HECA: variants seen among roughly 807,000 people sequenced by gnomAD.
The protein encoded by HECA is HECA ribonucleoprotein granule regulator, also known as headcase protein homolog.
A neutral mutation model predicts 37.6 loss-of-function variants in HECA; 13 were observed. That is an observed-to-expected ratio of 0.35 (90% CI 0.23 to 0.55). The LOEUF is 0.55. Among genes scored for constraint, HECA ranks in the 20% least tolerant of loss-of-function variants. The probability of loss-of-function intolerance (pLI) is 0.90; values close to 1 mark genes in which losing one functional copy is unlikely to be tolerated. For synonymous variants in HECA, 307 were observed against 291.5 expected, an observed-to-expected ratio of 1.05 and a Z score of -0.54; for missense variants, 527 against 701.9, an observed-to-expected ratio of 0.75 and a Z score of 2.82.
chr6:139,168,783 T>A (rs1774930841), intron 2 of HECA, among the ~76,000 whole-genome samples: 1 of 152,270 alleles, frequency 6.6e-6, no homozygotes, highest in Non-Finnish European at 1.5e-5. Flanking sequence ...GATTTGAGAC[T>A]TTCAACGTCT....
chr6:139,173,139 T>C (rs927722988), intron 2 of HECA, among the ~76,000 whole-genome samples: 17 of 152,340 alleles, frequency 1.1e-4, no homozygotes, highest in South Asian at 1.0e-3. Context: ...AGATGTGGCA[T>C]GTGAGACCCT....
In HECA at chr6:139,166,389, G is replaced by C; in HGVS notation, c.377G>C (p.Ser126Thr). 1 of 1,614,226 alleles carries C rather than the reference G, an allele frequency of 6.2e-7. No individual in the cohort carries two copies. Among genetic ancestry groups the C allele is most frequent in the Non-Finnish European group, 8.5e-7 (1 of 1,180,030 alleles). ...VVCNNEHCPC[S>T]TWMHLQCFYE... ...TGCAACAACGAGCACTGCCCCTGCAGCACCTGGATGCACCTGCAGTGCTTC... is the reference window on the plus strand; with the variant it reads ...TGCAACAACGAGCACTGCCCCTGCACCACCTGGATGCACCTGCAGTGCTTC... Residue 126 changes from serine to threonine, a missense_variant, in exon 2 of 4, where the codon AGC becomes ACC. By Grantham distance (58) the Ser-to-Thr change is moderately conservative. Coordinates refer to ENST00000367658, the MANE Select transcript of HECA (RefSeq NM_016217.3).
chr6:139,151,085 T>G (rs941319815), intron 1 of HECA: 2 of 152,188 alleles, frequency 1.3e-5, no homozygotes, highest in African/African-American at 2.4e-5. Context: ...ACTTGCCTGT[T>G]GGTTGCTGAT....
At position 139,177,543 on chromosome 6, in the gene HECA, C is replaced by T. The variant is rs1775068341; in HGVS notation, c.*438C>T. 6.4e-6 allele frequency: 1 copy of T among 155,672 alleles called. No individual in the cohort carries two copies. Among genetic ancestry groups the T allele is most frequent in the Non-Finnish European group, 1.4e-5 (1 of 69,858 alleles). 9.6% of individuals were successfully genotyped at this position (155,672 alleles called of 1,614,324 possible). ...GTGACAAGTGAATGTAAGTCTGTGC[C>T]TGGAGAGCTAATAGTGCATTAGTCT... On this transcript the variant is annotated 3_prime_UTR_variant, in exon 4 of 4. Transcript: ENST00000367658. This position sits in a 1 kb window ranked among gnomAD's most constrained non-coding sequence, Gnocchi z 4.9.
intron 1 of HECA, among the ~76,000 whole-genome samples, chr6:139,136,267 TAAAAA>T (rs71674341): frequency 6.1e-5 from 8 of 132,032 alleles, no homozygotes; most frequent in African/African-American, 8.4e-5. Flanking sequence ...AGCCCGGAGT[TAAAAA>T]AAAAAAAAAA....
At chr6:139,164,226 C>G (rs1206929544) in intron 1 of HECA, among the ~76,000 whole-genome samples, 1 of 152,150 alleles carries the variant, frequency 6.6e-6, no homozygotes, top group African/African-American at 2.4e-5. Flanking sequence ...CTTTCTAGAG[C>G]AGAACTCTGA....
At chr6:139,140,225 A>G (rs72978612) in intron 1 of HECA, among the ~76,000 whole-genome samples, 4,198 of 152,342 alleles carry the variant, frequency 0.028, 69 homozygotes, top group Non-Finnish European at 0.038. Flanking sequence ...TAGGAAAATG[A>G]AAAATGTTTG....
rs913063883 is a variant in HECA at position 139,135,107 on chromosome 6, G to C, written c.-290G>C. On this transcript the variant is annotated 5_prime_UTR_variant, in exon 1 of 4. Transcript: ENST00000367658. ...TGCAGCCGAATCAAAACAAGCCGGA[G>C]ACCCGCCTTTTCCCTCCGGCTCGGG... 6.3e-6 allele frequency: 1 copy of C among 157,858 alleles called. No homozygotes were observed. The highest frequency in any genetic ancestry group is 2.4e-5 in the African/African-American group (1 of 41,646). 9.8% of individuals were successfully genotyped at this position (157,858 alleles called of 1,614,324 possible).
intron 2 of HECA, among the ~76,000 whole-genome samples, chr6:139,171,682 C>G (rs937414443): frequency 6.6e-6 from 1 of 152,064 alleles, no homozygotes; most frequent in Non-Finnish European, 1.5e-5. Flanking sequence ...GGCTGGAAAG[C>G]AGCGGAGTGA....
At chr6:139,158,288 G>A (rs535034326) in intron 1 of HECA, among the ~76,000 whole-genome samples, 1 of 152,100 alleles carries the variant, frequency 6.6e-6, no homozygotes, top group South Asian at 2.1e-4. Context: ...AGATCACGAG[G>A]TCAGGAGATG....
chr6:139,168,225 G>A (rs539944448), intron 2 of HECA, among the ~76,000 whole-genome samples: 25 of 152,144 alleles, frequency 1.6e-4, no homozygotes, highest in Admixed American at 4.6e-4. Context: ...TTTGAAGGTG[G>A]ATGACTGTGC....
At position 139,135,330 on chromosome 6, in the gene HECA, G is replaced by C; in HGVS notation, c.-67G>C. ...CGGAGCCGGCTTCACGCAGGGCCGGGAACGGCCGTGCCTCTGGGATCCGCC... is the reference window on the plus strand; with the variant it reads ...CGGAGCCGGCTTCACGCAGGGCCGGCAACGGCCGTGCCTCTGGGATCCGCC... On this transcript the variant is annotated 5_prime_UTR_variant, in exon 1 of 4. Transcript: ENST00000367658. 1 of 1,195,754 alleles carries C rather than the reference G, an allele frequency of 8.4e-7. No individual in the cohort carries two copies. The highest frequency in any genetic ancestry group is 1.6e-5 in the African/African-American group (1 of 60,850). The allele number at this position is 1,195,754 out of a possible 1,614,324, so 74.1% of individuals were successfully genotyped here.
intron 1 of HECA, among the ~76,000 whole-genome samples, chr6:139,139,085 T>C (rs1200419753): frequency 6.6e-6 from 1 of 152,230 alleles, no homozygotes; most frequent in Non-Finnish European, 1.5e-5. Context: ...TAAATTCCTG[T>C]TATTGGATGA....
At chr6:139,160,936 A>G (rs971759144) in intron 1 of HECA, among the ~76,000 whole-genome samples, 20 of 152,186 alleles carry the variant, frequency 1.3e-4, no homozygotes, top group African/African-American at 4.6e-4. Flanking sequence ...CAGATGAGGA[A>G]ACAAAACTGC....
chr6:139,144,426 A>C (rs1774555150), intron 1 of HECA: 1 of 152,364 alleles, frequency 6.6e-6, no homozygotes, highest in South Asian at 2.1e-4. Context: ...GCAGGAAGAG[A>C]GACAGTGAAT....
At chr6:139,147,389 G>A (rs367849409) in intron 1 of HECA, among the ~76,000 whole-genome samples, 2 of 152,134 alleles carry the variant, frequency 1.3e-5, no homozygotes, top group Admixed American at 6.5e-5. Context: ...ACTTTAGGAG[G>A]CTGAGGTGGG....
chr6:139,155,443 T>C (rs1359540323), intron 1 of HECA, among the ~76,000 whole-genome samples: 1 of 152,116 alleles, frequency 6.6e-6, no homozygotes, highest in African/African-American at 2.4e-5. Flanking sequence ...AAAAATGAGG[T>C]AGGTATACTA....
intron 1 of HECA, among the ~76,000 whole-genome samples, chr6:139,137,932 G>A (rs1774470532): frequency 6.6e-6 from 1 of 152,020 alleles, no homozygotes; most frequent in Non-Finnish European, 1.5e-5. Context: ...CCATAGTCAG[G>A]GTCAGAGGAT....
In HECA at chr6:139,135,327, C is replaced by A; in HGVS notation, c.-70C>A. On this transcript the variant is annotated 5_prime_UTR_variant, in exon 1 of 4. Coordinates refer to ENST00000367658, the MANE Select transcript of HECA (RefSeq NM_016217.3). The stretch of plus-strand genomic sequence containing the variant: ...TCCCGGAGCCGGCTTCACGCAGGGC[C>A]GGGAACGGCCGTGCCTCTGGGATCC... 1 of 1,177,066 alleles carries A rather than the reference C, an allele frequency of 8.5e-7. No homozygotes were observed. Among genetic ancestry groups the A allele is most frequent in the Non-Finnish European group, 1.1e-6 (1 of 925,042 alleles). The allele number at this position is 1,177,066 out of a possible 1,614,324, so 72.9% of individuals were successfully genotyped here.
Sources: allele counts gnomAD v4.1 joint callset (sites outside exome capture counted in the v4.1 genomes callset), GRCh38; gene constraint gnomAD v4.1.1; non-coding constraint Gnocchi (gnomAD v3.1); transcripts MANE v1.5; gene names NCBI Gene and HGNC (gene_info 2026-07-23, HGNC 2026-07-21).